The following RBFOX3 variants were observed in gnomAD, a reference collection of about 807,000 sequenced individuals.
RBFOX3 encodes RNA binding fox-1 homolog 3.
Under a neutral mutation model 48.7 loss-of-function variants are expected in RBFOX3, and 17 were observed. The observed-to-expected ratio is 0.35, with a 90% CI of 0.24 to 0.52. The LOEUF (loss-of-function observed/expected upper bound fraction) is 0.52, where lower values mean the gene tolerates loss of function less well. Ranked by LOEUF, RBFOX3 falls within the 20% of genes least tolerant of loss-of-function variation. The pLI, the probability that RBFOX3 is intolerant of heterozygous loss-of-function variation, is 0.94. For missense variants in RBFOX3, 382 were observed against 497.5 expected, an observed-to-expected ratio of 0.77 and a Z score of 2.21; for synonymous variants, 212 against 209.5, an observed-to-expected ratio of 1.01 and a Z score of -0.10.
At chr17:79,270,327 T>G (rs1445213754) in intron 3 of RBFOX3, among the ~76,000 whole-genome samples, 1 of 152,160 alleles carries the variant, frequency 6.6e-6, no homozygotes, top group Non-Finnish European at 1.5e-5. Flanking sequence ...TGTACTGACC[T>G]GTCCACTGGG....
chr17:79,230,302 C>T (rs2060859348), intron 4 of RBFOX3, among the ~76,000 whole-genome samples: 2 of 152,140 alleles, frequency 1.3e-5, no homozygotes, highest in African/African-American at 4.8e-5. Context: ...CTTTGTCACC[C>T]AGGCTGGAGT....
intron 1 of RBFOX3, among the ~76,000 whole-genome samples, chr17:79,579,804 G>A (rs2092991195): frequency 7.1e-6 from 1 of 141,078 alleles, no homozygotes; most frequent in Admixed American, 7.1e-5. Context: ...TGGCGCCATG[G>A]TGGGGAGCCA....
At chr17:79,572,724 G>GCGTGTTTCC (rs1555799009) in intron 1 of RBFOX3, among the ~76,000 whole-genome samples, 1 of 152,340 alleles carries the variant, frequency 6.6e-6, no homozygotes, top group East Asian at 1.9e-4. Flanking sequence ...TTGCAAACGT[G>GCGTGTTTCC]CGTGTTTCCC....
At chr17:79,133,335 C>T (rs1249783886) in intron 4 of RBFOX3, among the ~76,000 whole-genome samples, 2 of 152,200 alleles carry the variant, frequency 1.3e-5, no homozygotes, top group East Asian at 3.9e-4. Context: ...CTGCAGCTCT[C>T]ATGCAGCTCC....
chr17:79,261,195 T>A (rs1307749741), intron 3 of RBFOX3, among the ~76,000 whole-genome samples: 1 of 152,072 alleles, frequency 6.6e-6, no homozygotes, highest in African/African-American at 2.4e-5. Flanking sequence ...CCATCTCCCC[T>A]ATTGCAATGT....
At chr17:79,317,752 A>G (rs541633723) in intron 2 of RBFOX3, among the ~76,000 whole-genome samples, 1 of 152,134 alleles carries the variant, frequency 6.6e-6, no homozygotes, top group African/African-American at 2.4e-5. Context: ...AAGAATCACA[A>G]TCTTAAAAAA....
intron 4 of RBFOX3, among the ~76,000 whole-genome samples, chr17:79,207,281 C>A (rs1361892919): frequency 6.6e-6 from 1 of 152,228 alleles, no homozygotes; most frequent in Non-Finnish European, 1.5e-5. Flanking sequence ...ATGAAACGCT[C>A]CTTTCCCATG....
At chr17:79,562,591 A>G (rs1336498451) in intron 1 of RBFOX3, among the ~76,000 whole-genome samples, 1 of 152,180 alleles carries the variant, frequency 6.6e-6, no homozygotes, top group Non-Finnish European at 1.5e-5. Context: ...AATTTTATAC[A>G]CATGACGTCC....
intron 4 of RBFOX3, among the ~76,000 whole-genome samples, chr17:79,224,307 T>C (rs1299554347): frequency 6.6e-6 from 1 of 152,094 alleles, no homozygotes; most frequent in Non-Finnish European, 1.5e-5. Context: ...CTGAAATCCA[T>C]CTCCCCCAGA....
intron 4 of RBFOX3, among the ~76,000 whole-genome samples, chr17:79,170,641 CT>C (rs1361423802): frequency 6.6e-6 from 1 of 152,160 alleles, no homozygotes; most frequent in Middle Eastern, 3.2e-3. Context: ...CCATCCACCC[CT>C]CTCTGTCCCT....
chr17:79,381,406 A>G (rs182544426), intron 2 of RBFOX3, among the ~76,000 whole-genome samples: 1 of 151,510 alleles, frequency 6.6e-6, no homozygotes, highest in East Asian at 1.9e-4. Context: ...CTTTGTACGG[A>G]GTCTTTGAAG....
intron 2 of RBFOX3, among the ~76,000 whole-genome samples, chr17:79,400,075 G>C (rs1436704781): frequency 1.3e-5 from 2 of 152,148 alleles, no homozygotes; most frequent in African/African-American, 4.8e-5. Flanking sequence ...CTGGGATCAG[G>C]ATCGGAGCAG....
chr17:79,321,760 C>T (rs2078560456), intron 2 of RBFOX3, among the ~76,000 whole-genome samples: 1 of 145,052 alleles, frequency 6.9e-6, no homozygotes, highest in African/African-American at 2.6e-5. Context: ...GGCTGGAGTG[C>T]AGTGGCACAA....
intron 1 of RBFOX3, among the ~76,000 whole-genome samples, chr17:79,504,461 C>A (rs1555778109): frequency 6.6e-6 from 1 of 152,198 alleles, no homozygotes; most frequent in Non-Finnish European, 1.5e-5. Flanking sequence ...CTGAGGGAGA[C>A]CAGATGTCCA....
rs1246394138 is a variant in RBFOX3 at position 79,477,435 on chromosome 17, A to G, written c.-175+5019T>C. Among the ~76,000 whole-genome samples, 3 of 151,820 alleles carry G rather than the reference A, an allele frequency of 2.0e-5. No homozygotes were observed. Among genetic ancestry groups the G allele is most frequent in the East Asian group, 3.9e-4 (2 of 5,148 alleles). ...GCCAGACGTGGTGGCGGGCGCCTGT[A>G]GTCCCAGCTACTTGGGAGGCTGAGG... is the stretch of plus-strand genomic sequence containing the variant. On this transcript the variant is annotated intron_variant, in intron 2 of 14. Transcript: ENST00000693108. The surrounding 1 kb of genome is among the most constrained non-coding windows in gnomAD (Gnocchi z 4.8).
At chr17:79,499,966 A>G (rs1371756921) in intron 1 of RBFOX3, among the ~76,000 whole-genome samples, 1 of 152,196 alleles carries the variant, frequency 6.6e-6, no homozygotes, top group African/African-American at 2.4e-5. Flanking sequence ...ACCCTCTATG[A>G]ATCTGGGCCT....
At chr17:79,342,549 T>A (rs1434244081) in intron 2 of RBFOX3, among the ~76,000 whole-genome samples, 1 of 152,142 alleles carries the variant, frequency 6.6e-6, no homozygotes, top group Admixed American at 6.5e-5. Context: ...CTGCAATGAA[T>A]CCCCTCCCTG....
chr17:79,202,713 C>T (rs542375614), intron 4 of RBFOX3, among the ~76,000 whole-genome samples: 4 of 152,320 alleles, frequency 2.6e-5, no homozygotes, highest in African/African-American at 9.6e-5. Context: ...CAGCTGTGAT[C>T]CAACAGCCCC....
At chr17:79,173,084 C>T (rs1283391849) in intron 4 of RBFOX3, among the ~76,000 whole-genome samples, 2 of 152,182 alleles carry the variant, frequency 1.3e-5, no homozygotes, top group Non-Finnish European at 2.9e-5. Context: ...GTGGCGCACG[C>T]CTGTAATCCC....
Sources: allele counts gnomAD v4.1 joint callset (sites outside exome capture counted in the v4.1 genomes callset), GRCh38; gene constraint gnomAD v4.1.1; non-coding constraint Gnocchi (gnomAD v3.1); transcripts MANE v1.5; gene names NCBI Gene and HGNC (gene_info 2026-07-23, HGNC 2026-07-21).